ADAMTS12: variants seen among roughly 807,000 people sequenced by gnomAD.
ADAMTS12 encodes the protein A disintegrin and metalloproteinase with thrombospondin motifs 12.
In ADAMTS12, 118 loss-of-function variants were observed where a neutral mutation model predicts 167.8. The ratio of observed to expected loss-of-function variants is 0.70; its 90% CI spans 0.61 to 0.82. The LOEUF (loss-of-function observed/expected upper bound fraction) is 0.82. Among genes scored for constraint, ADAMTS12 ranks in the 40% least tolerant of loss-of-function variants. ADAMTS12 has a pLI of 0.00. For missense variants in ADAMTS12, 1,916 were observed against 1,998.8 expected, an observed-to-expected ratio of 0.96 and a Z score of 0.79; for synonymous variants, 704 against 716.9, an observed-to-expected ratio of 0.98 and a Z score of 0.29.
At chr5:33,883,519 C>G (rs1750531185) in intron 1 of ADAMTS12, among the ~76,000 whole-genome samples, 1 of 151,976 alleles carries the variant, frequency 6.6e-6, no homozygotes. Flanking sequence ...CTAGGCACAG[C>G]AGACCACATG....
chr5:33,858,392 C>T (rs1749485488), intron 2 of ADAMTS12, among the ~76,000 whole-genome samples: 2 of 152,238 alleles, frequency 1.3e-5, no homozygotes, highest in South Asian at 4.1e-4. Context: ...TGTGCTGGCT[C>T]ACGCCTATAA....
intron 3 of ADAMTS12, among the ~76,000 whole-genome samples, chr5:33,702,725 T>C (rs7700370): frequency 0.27 from 41,739 of 152,060 alleles, 6,096 homozygotes; most frequent in Admixed American, 0.31. Flanking sequence ...ACCTGACCTT[T>C]TATTAAACAT....
chr5:33,778,075 T>G (rs1349198552), intron 2 of ADAMTS12, among the ~76,000 whole-genome samples: 1 of 152,144 alleles, frequency 6.6e-6, no homozygotes, highest in Non-Finnish European at 1.5e-5. Context: ...GAATAACTGA[T>G]ATATGAAAAA....
At chr5:33,719,963 T>A (rs1443194663) in intron 3 of ADAMTS12, among the ~76,000 whole-genome samples, 1 of 152,190 alleles carries the variant, frequency 6.6e-6, no homozygotes, top group African/African-American at 2.4e-5. Flanking sequence ...TGTATCTGCT[T>A]TAAATACCTA....
intron 1 of ADAMTS12, among the ~76,000 whole-genome samples, chr5:33,887,786 C>G (rs573402363): frequency 2.0e-5 from 3 of 151,126 alleles, no homozygotes; most frequent in Non-Finnish European, 4.4e-5. Flanking sequence ...GAGTCCTGCT[C>G]TGTTGCCCAG....
At position 33,881,363 on chromosome 5, in the gene ADAMTS12, C is replaced by G. The variant is rs951325290; in HGVS notation, c.245G>C (p.Arg82Thr). ...CCAGTCCTCTGAGCCATCCAAATCTCTCTTCCTCCTGCTGCTCGTGATGGG... is the reference window on the plus strand; with the variant it reads ...CCAGTCCTCTGAGCCATCCAAATCTGTCTTCCTCCTGCTGCTCGTGATGGG... ...HYPITSSRRK[R>T]DLDGSEDWVY... Residue 82 changes from arginine to threonine, a missense_variant, in exon 2 of 24, where the codon AGA (arginine) becomes ACA (threonine). Arg to Thr is a moderately conservative substitution (Grantham distance 71). Transcript: ENST00000504830. 6.2e-7 allele frequency: 1 copy of G among 1,614,210 alleles called. No individual in the cohort carries two copies. Among genetic ancestry groups the G allele is most frequent in the African/African-American group, 1.3e-5 (1 of 75,064 alleles).
chr5:33,559,171 G>A (rs1745621223), intron 20 of ADAMTS12, among the ~76,000 whole-genome samples: 2 of 152,180 alleles, frequency 1.3e-5, no homozygotes, highest in Admixed American at 1.3e-4. Context: ...AATGTCTAGA[G>A]GTGACATCAG....
At position 33,881,282 on chromosome 5, in the gene ADAMTS12, T is replaced by A; in HGVS notation, c.326A>T (p.Asn109Ile). Reference sequence around the variant, plus strand: ...GTAGCTATTGGAAAGAAATCCTTGATTGACCGTCAAGTTAAAAAACAGGTC... The same window carrying A: ...GTAGCTATTGGAAAGAAATCCTTGAATGACCGTCAAGTTAAAAAACAGGTC... ...EKDLFFNLTVNQGFLSNSYIM... is the reference protein window; with the variant it reads ...EKDLFFNLTVIQGFLSNSYIM... The change falls in exon 2 of 24, where the codon AAT (asparagine) becomes ATT (isoleucine). Residue 109 changes from asparagine to isoleucine, a missense_variant. Asn to Ile is a moderately radical substitution (Grantham distance 149, BLOSUM62 -3). Coordinates refer to ENST00000504830, the MANE Select transcript of ADAMTS12 (RefSeq NM_030955.4). 1 of 1,614,214 alleles carries A rather than the reference T, an allele frequency of 6.2e-7. No individual in the cohort carries two copies. Among genetic ancestry groups the A allele is most frequent in the Non-Finnish European group, 8.5e-7 (1 of 1,180,030 alleles).
At chr5:33,831,530 A>G (rs1748299769) in intron 2 of ADAMTS12, among the ~76,000 whole-genome samples, 1 of 152,214 alleles carries the variant, frequency 6.6e-6, no homozygotes, top group Non-Finnish European at 1.5e-5. Flanking sequence ...GACTTACTGC[A>G]TTTTGAGAAC....
chr5:33,656,746 T>A (rs985323625), intron 7 of ADAMTS12, among the ~76,000 whole-genome samples: 13 of 152,324 alleles, frequency 8.5e-5, no homozygotes, highest in African/African-American at 3.1e-4. Flanking sequence ...ACAGGGGCCA[T>A]GTCCTTCCAC....
intron 2 of ADAMTS12, among the ~76,000 whole-genome samples, chr5:33,784,496 G>A (rs1746260238): frequency 6.6e-6 from 1 of 151,544 alleles, no homozygotes; most frequent in Non-Finnish European, 1.5e-5. Flanking sequence ...AATTTAGCAA[G>A]GTTACAGGAT....
intron 2 of ADAMTS12, among the ~76,000 whole-genome samples, chr5:33,822,292 C>T (rs1747895929): frequency 6.6e-6 from 1 of 152,168 alleles, no homozygotes; most frequent in Non-Finnish European, 1.5e-5. Flanking sequence ...TCTGAAAGCT[C>T]TCTAAGTGGC....
chr5:33,668,564 C>T (rs554845103), intron 5 of ADAMTS12, among the ~76,000 whole-genome samples: 21 of 152,192 alleles, frequency 1.4e-4, no homozygotes, highest in African/African-American at 3.9e-4. Context: ...AGTGCAGTAG[C>T]ACAATCCTCC....
At chr5:33,684,811 T>C (rs1306571715) in intron 3 of ADAMTS12, among the ~76,000 whole-genome samples, 4 of 152,178 alleles carry the variant, frequency 2.6e-5, no homozygotes, top group African/African-American at 7.2e-5. Context: ...GGCTATAGAA[T>C]GATAAAGAAA....
chr5:33,817,519 A>G (rs1020644236), intron 2 of ADAMTS12, among the ~76,000 whole-genome samples: 6 of 152,226 alleles, frequency 3.9e-5, no homozygotes, highest in Admixed American at 3.3e-4. Context: ...CAAAAATAGA[A>G]TGGTATAATG....
At chr5:33,731,815 A>G (rs1176707150) in intron 3 of ADAMTS12, among the ~76,000 whole-genome samples, 1 of 152,204 alleles carries the variant, frequency 6.6e-6, no homozygotes, top group East Asian at 1.9e-4. Context: ...GCATCTTATT[A>G]GACTGCATGT....
chr5:33,534,759 A>G (rs1744288652), intron 23 of ADAMTS12, 74 bp downstream of exon 23: 3 of 1,515,930 alleles, frequency 2.0e-6, no homozygotes, highest in Admixed American at 2.2e-5. Context: ...ATGTAAAGCT[A>G]TCTACAAGTT....
chr5:33,573,419 A>G (rs1356670549), intron 19 of ADAMTS12, among the ~76,000 whole-genome samples: 2 of 152,232 alleles, frequency 1.3e-5, no homozygotes, highest in Admixed American at 6.5e-5. Context: ...TCAATGGAAC[A>G]GAACAGAGCC....
In ADAMTS12 at chr5:33,790,555, C is replaced by CAAAAAA. The variant is rs35691545; in HGVS notation, c.490-39013_490-39008dup. Among the ~76,000 whole-genome samples the CAAAAAA allele has an allele frequency of 4.8e-5, 5 of 104,814 alleles. No individual in the cohort carries two copies. The East Asian group carries it at 7.7e-4, about 16-fold the overall frequency. The allele number at this position is 104,814 out of a possible 152,430, so 68.8% of individuals were successfully genotyped here. A position where few individuals can be genotyped will look rare whatever the true frequency, so the allele number is the denominator to read the frequency against. On this transcript the variant is annotated intron_variant, in intron 2 of 23. Transcript: ENST00000504830. The stretch of plus-strand genomic sequence containing the variant: ...TGGGTGACAGAGCAAGACTCCATCT[C>CAAAAAA]AAAAAAAAAAAAAAAAGAAAAAAGA...
Sources: gnomAD v4.1 joint callset for allele counts (sites outside exome capture counted in the v4.1 genomes callset) on GRCh38, gnomAD v4.1.1 for gene constraint, MANE v1.5 for transcripts, NCBI Gene and HGNC (gene_info 2026-07-23, HGNC 2026-07-21) for gene names.